The following GPLD1 variants were observed in gnomAD, a reference collection of about 807,000 sequenced individuals.
GPLD1 encodes phosphatidylinositol-glycan-specific phospholipase D.
GPLD1 carries 84 observed loss-of-function variants against 112.6 expected under a neutral mutation model. The ratio of observed to expected loss-of-function variants is 0.75; its 90% CI spans 0.63 to 0.89. GPLD1 has a LOEUF of 0.89. Ranked by LOEUF, GPLD1 falls within the 40% of genes least tolerant of loss-of-function variation. GPLD1 has a pLI of 0.00. For missense variants in GPLD1, 1,044 were observed against 1,051.5 expected (o/e 0.99, Z 0.10); for synonymous variants, 386 against 403.8 (o/e 0.96, Z 0.53).
Position 24,433,390 on chromosome 6 carries a change from C to T in GPLD1, c.2359-1G>A. 6.2e-7 allele frequency: 1 copy of T among 1,605,902 alleles called. No individual in the cohort carries two copies. Among genetic ancestry groups the T allele is most frequent in the Non-Finnish European group, 8.5e-7 (1 of 1,173,764 alleles). On this transcript the variant is annotated splice_acceptor_variant, in intron 22 of 24. Transcript: ENST00000230036. LOFTEE classifies it high-confidence loss of function. Reference sequence around the variant, plus strand: ...CAGGAGAAATCAATACATATTGGGCCTGAAGAAAAAAATTGAGGAGAGAGA... The same window carrying T: ...CAGGAGAAATCAATACATATTGGGCTTGAAGAAAAAAATTGAGGAGAGAGA...
chr6:24,464,079 C>G (rs1763518962), intron 10 of GPLD1, among the ~76,000 whole-genome samples: 1 of 149,902 alleles, frequency 6.7e-6, no homozygotes, highest in African/African-American at 2.4e-5. Flanking sequence ...TTATATAAAA[C>G]AAGTAAGTGC....
intron 14 of GPLD1, among the ~76,000 whole-genome samples, chr6:24,452,289 T>A (rs1041472386): frequency 2.6e-5 from 4 of 152,154 alleles, no homozygotes; most frequent in Non-Finnish European, 4.4e-5. Flanking sequence ...TGTAGAGAAG[T>A]AAGAAGCAAC....
At chr6:24,441,868 A>G (rs1762755317) in intron 20 of GPLD1, among the ~76,000 whole-genome samples, 2 of 152,124 alleles carry the variant, frequency 1.3e-5, no homozygotes, top group Non-Finnish European at 2.9e-5. Context: ...CAAGTAAAAT[A>G]CAAGTAATAA....
intron 20 of GPLD1, among the ~76,000 whole-genome samples, chr6:24,438,400 G>A (rs1225756626): frequency 1.3e-5 from 2 of 152,188 alleles, no homozygotes; most frequent in African/African-American, 4.8e-5. Flanking sequence ...GTGGCCCTCT[G>A]AGAAGTTTGC....
upstream of GPLD1, among the ~76,000 whole-genome samples, chr6:24,492,112 G>C (rs1764573284): frequency 6.6e-6 from 1 of 152,152 alleles, no homozygotes; most frequent in Non-Finnish European, 1.5e-5. Flanking sequence ...AGAGACCCAA[G>C]GTGAAAAGTA....
intron 22 of GPLD1, among the ~76,000 whole-genome samples, chr6:24,435,034 G>A (rs1762525518): frequency 7.2e-6 from 1 of 139,308 alleles, no homozygotes; most frequent in South Asian, 2.2e-4. Flanking sequence ...TTTTTTTTGA[G>A]ACAGAGTCTT....
At chr6:24,476,374 C>A in intron 3 of GPLD1, 96 bp from the exon 4 acceptor site, 1 of 666,928 alleles carries the variant, frequency 1.5e-6, no homozygotes, top group Non-Finnish European at 2.7e-6. Flanking sequence ...TGTGTCCCTT[C>A]TCCTCCTTCC....
rs184249758 is a variant in GPLD1 at position 24,447,058 on chromosome 6, T to C, written c.1679-79A>G. On this transcript the variant is annotated intron_variant, in intron 17 of 24. Coordinates refer to ENST00000230036, the MANE Select transcript of GPLD1 (RefSeq NM_001503.4). ...GGATGAAAAGAAAGGGTCCTTCTCG[T>C]AGCCTAATAGAAGTGGGTTCATTTT... The C allele has an allele frequency of 4.9e-4, 656 of 1,327,770 alleles. 1 individual carries two copies. In the African/African-American group the frequency reaches 8.2e-3, roughly 17 times the overall value. The allele number at this position is 1,327,770 out of a possible 1,614,324, so 82.2% of individuals were successfully genotyped here. A position where few individuals can be genotyped will look rare whatever the true frequency, so the allele number is the denominator to read the frequency against.
rs201796799 is a variant in GPLD1, at chr6:24,466,574, T to TTTTGC, written c.821+105_821+106insGCAAA. The TTTTGC allele has an allele frequency of 2.9e-3, 2,455 of 842,504 alleles. 13 individuals are homozygous for TTTTGC. The highest frequency in any genetic ancestry group is 2.5e-3 in the Non-Finnish European group (1,302 of 528,958). The allele number at this position is 842,504 out of a possible 1,614,324, so 52.2% of individuals were successfully genotyped here. ...GTTAGAAAAGCACTTCATGAGATTG[T>TTTTGC]TTTGTTTTGTTTTTATGTGATCAGT... On this transcript the variant is annotated intron_variant, in intron 10 of 24. Coordinates refer to ENST00000230036, the MANE Select transcript of GPLD1 (RefSeq NM_001503.4).
At chr6:24,432,247 T>TA (rs71002493) in intron 24 of GPLD1, among the ~76,000 whole-genome samples, 55,219 of 90,516 alleles carry the variant, frequency 0.61, 17,369 homozygotes, top group Middle Eastern at 0.68. Context: ...GACTCTGTCT[T>TA]AAAAAAAAAA....
chr6:24,448,815 T>G (rs1360482896), intron 15 of GPLD1, among the ~76,000 whole-genome samples: 1 of 152,146 alleles, frequency 6.6e-6, no homozygotes, highest in Non-Finnish European at 1.5e-5. Flanking sequence ...CACACTGTGC[T>G]ATTTTATTCT....
Position 24,462,814 on chromosome 6 carries a change from GA to G in GPLD1, c.822-20del. The G allele has an allele frequency of 6.4e-7, 1 of 1,574,678 alleles. No homozygotes were observed. Among genetic ancestry groups the G allele is most frequent in the Non-Finnish European group, 8.7e-7 (1 of 1,144,358 alleles). On this transcript the variant is annotated intron_variant, in intron 10 of 24. Transcript: ENST00000230036. ...GCAGTCACTGAGGAAACAGTCAAAT[GA>G]GTTAGCCATTTATCTACTTCTTCAC...
At chr6:24,429,552 T>C (rs1202740017) in intron 24 of GPLD1, among the ~76,000 whole-genome samples, 3 of 152,188 alleles carry the variant, frequency 2.0e-5, no homozygotes, top group African/African-American at 7.2e-5. Context: ...TTTTAAAACA[T>C]TTTCTTCTTT....
At chr6:24,464,348 T>C (rs1342406082) in intron 10 of GPLD1, among the ~76,000 whole-genome samples, 1 of 152,166 alleles carries the variant, frequency 6.6e-6, no homozygotes, top group Non-Finnish European at 1.5e-5. Context: ...GCAGATCCCT[T>C]AAATTCTGTA....
At chr6:24,475,071 G>A in intron 5 of GPLD1, 50 bp downstream of exon 5, 2 of 912,882 alleles carry the variant, frequency 2.2e-6, no homozygotes, top group Non-Finnish European at 3.7e-6. Context: ...GATCTTAGGT[G>A]AGACAGTATC....
Position 24,456,521 on chromosome 6 carries a change from T to C in GPLD1, c.1125A>G (p.Ser375=), listed in dbSNP as rs570408568. 4 of 1,609,768 alleles carry C rather than the reference T, an allele frequency of 2.5e-6. No individual in the cohort carries two copies. The East Asian group carries it at 6.7e-5, about 27-fold the overall frequency. ...ACCAGCCAAGCCTCGCATAAGGAAA[T>C]GACAAGAAGTAAGATGCTAAGGGGC... is the stretch of plus-strand genomic sequence containing the variant. ...VSSPLASYFL[S]FPYARLGWAM... The change falls in exon 13 of 25, where the codon TCA becomes TCG. Residue 375 remains serine (S), a synonymous_variant. Transcript: ENST00000230036.
intron 3 of GPLD1, 80 bp from the exon 4 acceptor site, chr6:24,476,358 C>G (rs368704508): frequency 1.5e-5 from 11 of 725,868 alleles, no homozygotes; most frequent in Non-Finnish European, 2.7e-5. Flanking sequence ...CCACCCGCTG[C>G]GCTGCTGTGT....
At chr6:24,446,397 G>T (rs775863627) in intron 18 of GPLD1, among the ~76,000 whole-genome samples, 1 of 151,524 alleles carries the variant, frequency 6.6e-6, no homozygotes, top group Non-Finnish European at 1.5e-5. Context: ...TGTAGTCCCA[G>T]CTATTCAGGA....
At chr6:24,446,479 A>T (rs1762913917) in intron 18 of GPLD1, among the ~76,000 whole-genome samples, 1 of 152,016 alleles carries the variant, frequency 6.6e-6, no homozygotes, top group Non-Finnish European at 1.5e-5. Context: ...AACAGAGTGA[A>T]CCCTCACCCC....
Sources: gnomAD v4.1 joint callset for allele counts (sites outside exome capture counted in the v4.1 genomes callset) on GRCh38, gnomAD v4.1.1 for gene constraint, MANE v1.5 for transcripts, NCBI Gene and HGNC (gene_info 2026-07-23, HGNC 2026-07-21) for gene names.